The following IL19 variants were observed in gnomAD, a reference collection of about 807,000 sequenced individuals.
IL19 encodes interleukin-19.
In IL19, 15 loss-of-function variants were observed where a neutral mutation model predicts 19.5. That is an observed-to-expected ratio of 0.77 (90% confidence interval 0.52 to 1.19). IL19 has a LOEUF of 1.19. IL19 is among the 50% of genes most tolerant of loss of function. IL19 has a pLI of 0.00. For missense variants in IL19, 199 were observed against 213.1 expected (o/e 0.93, Z 0.41); for synonymous variants, 78 against 78.3 (o/e 1.00, Z 0.02).
chr1:206,786,936 C>T (rs1675282340), intron 1 of IL19, among the ~76,000 whole-genome samples: 1 of 152,104 alleles, frequency 6.6e-6, no homozygotes. Context: ...TCCAAACCAC[C>T]AAGCCAGGTT....
At chr1:206,800,478 T>A (rs1443057541) in intron 2 of IL19, among the ~76,000 whole-genome samples, 1 of 152,064 alleles carries the variant, frequency 6.6e-6, no homozygotes, top group Non-Finnish European at 1.5e-5. Flanking sequence ...GAGAGAGTGA[T>A]TTACCACCTG....
At chr1:206,814,908 T>G (rs1290649801) in intron 2 of IL19, among the ~76,000 whole-genome samples, 1 of 152,210 alleles carries the variant, frequency 6.6e-6, no homozygotes, top group African/African-American at 2.4e-5. Flanking sequence ...AGTTACTTAC[T>G]TGAGACAGTT....
intron 1 of IL19, among the ~76,000 whole-genome samples, chr1:206,778,161 C>T (rs1038266443): frequency 5.3e-5 from 8 of 152,214 alleles, no homozygotes; most frequent in African/African-American, 1.9e-4. Context: ...GGATCATGGC[C>T]GGCAGACACT....
Position 206,829,129 on chromosome 1 carries a change from G to A in IL19, c.-2-7532G>A, listed in dbSNP as rs1415125103. On this transcript the variant is annotated intron_variant, in intron 2 of 6. Coordinates refer to ENST00000659997, the MANE Select transcript of IL19 (RefSeq NM_153758.5). ...TTCCCAAAGTGCAGAGATTACAGGT[G>A]TGAGCCACTGTGCCCAGCCTGAATT... 3 of 151,316 alleles carry A rather than the reference G, an allele frequency of 2.0e-5. No individual in the cohort carries two copies. The Admixed American group carries it at 2.0e-4, about 10-fold the overall frequency. 9.4% of individuals were successfully genotyped at this position (151,316 alleles called of 1,614,324 possible).
intron 2 of IL19, chr1:206,834,267 C>G (rs766414207): frequency 1.0e-6 from 1 of 985,350 alleles, no homozygotes; most frequent in Admixed American, 6.2e-5. Context: ...AACAATCTCC[C>G]CAAGGTGGAT....
intron 2 of IL19, chr1:206,834,253 A>T (rs1036640512): frequency 2.0e-6 from 2 of 985,408 alleles, no homozygotes; most frequent in African/African-American, 3.5e-5. Flanking sequence ...AAACAAGGGG[A>T]AAAAACAATC....
At chr1:206,773,010 A>G (rs917759130) in intron 1 of IL19, among the ~76,000 whole-genome samples, 7 of 152,264 alleles carry the variant, frequency 4.6e-5, no homozygotes, top group African/African-American at 1.7e-4. Context: ...AATATCCTCA[A>G]AGTTCCCAAG....
chr1:206,835,353 C>A (rs932023391), intron 2 of IL19, among the ~76,000 whole-genome samples: 1 of 152,224 alleles, frequency 6.6e-6, no homozygotes, highest in African/African-American at 2.4e-5. Flanking sequence ...AGGAAAGGAG[C>A]TCTTTGGCTT....
In IL19 at chr1:206,841,001, C is replaced by T. The variant is rs778047591; in HGVS notation, c.364-3C>T. The T allele has an allele frequency of 3.1e-6, 5 of 1,613,256 alleles. No homozygotes were observed. The Admixed American group carries it at 5.0e-5, about 16-fold the overall frequency. On this transcript the variant is annotated splice_polypyrimidine_tract_variant and splice_region_variant and intron_variant, in intron 5 of 6. Coordinates refer to ENST00000659997, the MANE Select transcript of IL19 (RefSeq NM_153758.5). ...GATAGGAGCTTCCTCCACTTTATCA[C>T]AGCAGGAACAGAGGCAGTGTCACTG...
chr1:206,810,486 A>T (rs1675975892), intron 2 of IL19, among the ~76,000 whole-genome samples: 1 of 152,220 alleles, frequency 6.6e-6, no homozygotes, highest in Admixed American at 6.5e-5. Flanking sequence ...TGCCTAGAGG[A>T]CAATCCTTTC....
chr1:206,772,948 C>A (rs1674896105), intron 1 of IL19, among the ~76,000 whole-genome samples: 1 of 152,178 alleles, frequency 6.6e-6, no homozygotes, highest in South Asian at 2.1e-4. Context: ...TAGGCAGTCA[C>A]CTTAGGTCTC....
intron 2 of IL19, among the ~76,000 whole-genome samples, chr1:206,804,658 G>A (rs1675798569): frequency 6.6e-6 from 1 of 152,182 alleles, no homozygotes; most frequent in East Asian, 1.9e-4. Context: ...GATGCCTGAG[G>A]GAATGACCCA....
chr1:206,806,935 C>A (rs1675861669), intron 2 of IL19, among the ~76,000 whole-genome samples: 1 of 152,086 alleles, frequency 6.6e-6, no homozygotes, highest in Non-Finnish European at 1.5e-5. Context: ...GTTCGTTCTC[C>A]CACTGCTATA....
intron 2 of IL19, among the ~76,000 whole-genome samples, chr1:206,811,179 T>C (rs1195896967): frequency 6.6e-6 from 1 of 152,138 alleles, no homozygotes; most frequent in East Asian, 1.9e-4. Context: ...AGATTTTTAG[T>C]GAGGCGAATT....
At chr1:206,830,859 G>A (rs771512304) in intron 2 of IL19, among the ~76,000 whole-genome samples, 8 of 152,228 alleles carry the variant, frequency 5.3e-5, no homozygotes, top group African/African-American at 1.2e-4. Context: ...TTACAGGCGT[G>A]AGCCACCGCT....
intron 1 of IL19, among the ~76,000 whole-genome samples, chr1:206,773,344 C>T (rs949245483): frequency 6.6e-6 from 1 of 152,208 alleles, no homozygotes; most frequent in African/African-American, 2.4e-5. Flanking sequence ...GGTTTCCTCA[C>T]CCTACTGTAC....
chr1:206,840,828 G>C (rs1055140721), intron 5 of IL19, among the ~76,000 whole-genome samples, 176 bp from the exon 6 acceptor site: 6 of 152,218 alleles, frequency 3.9e-5, no homozygotes, highest in Admixed American at 3.9e-4. Context: ...GTGGGCAGAT[G>C]CAGGTGACTC....
At chr1:206,779,811 T>TTTC (rs752455648) in intron 1 of IL19, among the ~76,000 whole-genome samples, 1 of 152,050 alleles carries the variant, frequency 6.6e-6, no homozygotes, top group African/African-American at 2.4e-5. Flanking sequence ...CCTCATTGAC[T>TTTC]TTCTTCTTCT....
rs1677067652 is a variant in IL19, at chr1:206,842,908, G to A, written c.*286G>A. On this transcript the variant is annotated 3_prime_UTR_variant, in exon 7 of 7. Coordinates refer to ENST00000659997, the MANE Select transcript of IL19 (RefSeq NM_153758.5). ...GTCATATAGTCCATGTCTGTGATGTGAGCCAAGTGATATCCTGTAGTACAC... is the reference window on the plus strand; with the variant it reads ...GTCATATAGTCCATGTCTGTGATGTAAGCCAAGTGATATCCTGTAGTACAC... The A allele has an allele frequency of 1.4e-5, 4 of 283,366 alleles. No individual in the cohort carries two copies. The highest frequency in any genetic ancestry group is 1.4e-4 in the East Asian group (2 of 14,430). The allele number at this position is 283,366 out of a possible 1,614,324, so 17.6% of individuals were successfully genotyped here. A position where few individuals can be genotyped will look rare whatever the true frequency, so the allele number is the denominator to read the frequency against.
Sources: allele counts gnomAD v4.1 joint callset (sites outside exome capture counted in the v4.1 genomes callset), GRCh38; gene constraint gnomAD v4.1.1; transcripts MANE v1.5; gene names NCBI Gene and HGNC (gene_info 2026-07-23, HGNC 2026-07-21).